The following FOXR1 variants were observed in gnomAD, a reference collection of about 807,000 sequenced individuals.
The protein encoded by FOXR1 is forkhead box protein R1.
Under a neutral mutation model 34.5 loss-of-function variants are expected in FOXR1, and 25 were observed. The ratio of observed to expected loss-of-function variants is 0.72; its 90% confidence interval spans 0.53 to 1.01. The LOEUF (loss-of-function observed/expected upper bound fraction) is 1.01. Ranked by LOEUF, FOXR1 falls within the 50% of genes least tolerant of loss-of-function variation. The pLI is 0.00. For missense variants in FOXR1, 373 were observed against 376.2 expected (o/e 0.99, Z 0.07); for synonymous variants, 153 against 141.6 (o/e 1.08, Z -0.57).
At chr11:118,972,508 C>G (rs1238159088) in intron 1 of FOXR1, among the ~76,000 whole-genome samples, 1 of 151,996 alleles carries the variant, frequency 6.6e-6, no homozygotes, top group Non-Finnish European at 1.5e-5. Flanking sequence ...CCATCGCGAT[C>G]TTTTAGGTTT....
Position 118,979,120 on chromosome 11 carries a change from C to T in FOXR1, c.300C>T (p.Ala100=), listed in dbSNP as rs77188008. 23 of 1,605,056 alleles carry T rather than the reference C, an allele frequency of 1.4e-5. No homozygotes were observed. The highest frequency in any genetic ancestry group is 2.2e-5 in the South Asian group (2 of 89,860). Residue 100 remains alanine, a synonymous_variant, in exon 3 of 6, where the codon GCC becomes GCT. Coordinates refer to ENST00000317011, the MANE Select transcript of FOXR1 (RefSeq NM_181721.3). ...QKEEDASCSE[A]AGVESLSQSS... is the part of the protein sequence containing the mutation. ...AGGAAGATGCCAGCTGCTCAGAGGC[C>T]GCAGGGGTGGAATCACTGTCCCAGT...
chr11:118,981,135 T>A (rs1306464531), intron 5 of FOXR1, 73 bp from the exon 6 acceptor site: 1 of 1,474,542 alleles, frequency 6.8e-7, no homozygotes, highest in Non-Finnish European at 9.5e-7. Context: ...TGACCTGCTA[T>A]GAGAGAGCAT....
At chr11:118,978,756 A>G in intron 1 of FOXR1, 26 bp from the exon 2 acceptor site, 1 of 1,612,424 alleles carries the variant, frequency 6.2e-7, no homozygotes, top group South Asian at 1.1e-5. Context: ...GGATGTTTTG[A>G]CTCTCTCTGT....
At chr11:118,979,380 C>T in intron 3 of FOXR1, 62 bp from the exon 4 acceptor site, 2 of 1,497,240 alleles carry the variant, frequency 1.3e-6, no homozygotes, top group Non-Finnish European at 8.9e-7. Flanking sequence ...CCCCTTCCTG[C>T]CACTGCACCC....
At chr11:118,972,108 T>G in intron 1 of FOXR1, 116 bp downstream of exon 1, 1 of 832,942 alleles carries the variant, frequency 1.2e-6, no homozygotes, top group East Asian at 5.3e-5. Context: ...CCGGGGAGGC[T>G]TGGGGGGCCG....
chr11:118,979,258 G>T, intron 3 of FOXR1, 54 bp downstream of exon 3: 2 of 1,504,368 alleles, frequency 1.3e-6, no homozygotes, highest in Non-Finnish European at 1.8e-6. Flanking sequence ...AGGGGCATGG[G>T]GAAGAGCCAT....
chr11:118,981,086 A>C, intron 5 of FOXR1, 122 bp from the exon 6 acceptor site: 1 of 943,386 alleles, frequency 1.1e-6, no homozygotes, highest in Non-Finnish European at 1.7e-6. Flanking sequence ...GAGGCTTCAG[A>C]GAAGAGGCAG....
Position 118,972,011 on chromosome 11 carries a change from G to T in FOXR1, c.61+19G>T. ...CAGAAACGTGAGTAGCGGGTGGGGT[G>T]AGGTGGGGGGCTGGGCGTGGCGGAG... On this transcript the variant is annotated intron_variant, in intron 1 of 5. Coordinates refer to ENST00000317011, the MANE Select transcript of FOXR1 (RefSeq NM_181721.3). 6.6e-7 allele frequency: 1 copy of T among 1,519,322 alleles called. No homozygotes were observed. 94.1% of individuals were successfully genotyped at this position (1,519,322 alleles called of 1,614,324 possible). A position where few individuals can be genotyped will look rare whatever the true frequency, so the allele number is the denominator to read the frequency against.
Position 118,971,955 on chromosome 11 carries a change from CT to C in FOXR1, c.26del (p.Phe9SerfsTer8). On this transcript the variant is annotated frameshift_variant, in exon 1 of 6. Coordinates refer to ENST00000317011, the MANE Select transcript of FOXR1 (RefSeq NM_181721.3). LOFTEE classifies it high-confidence loss of function. MGNELFLA[F>X]TTSHLPLAEQ... is the part of the protein sequence containing the mutation. ...ACATGGGGAACGAGCTCTTTCTGGC[CT>C]TCACCACATCTCACCTCCCCTTAGC... The C allele has an allele frequency of 6.4e-7, 1 of 1,554,300 alleles. No homozygotes were observed. The highest frequency in any genetic ancestry group is 8.7e-7 in the Non-Finnish European group (1 of 1,148,236).
In FOXR1 at chr11:118,979,130, G is replaced by A. The variant is rs1941816465; in HGVS notation, c.310G>A (p.Glu104Lys). ...CAGCTGCTCAGAGGCCGCAGGGGTG[G>A]AATCACTGTCCCAGTCCTCCAGCAA... ...DASCSEAAGV[E>K]SLSQSSSKRS... Residue 104 changes from glutamate to lysine, a missense_variant, in exon 3 of 6, where the codon GAA becomes AAA. Coordinates refer to ENST00000317011, the MANE Select transcript of FOXR1 (RefSeq NM_181721.3). The A allele has an allele frequency of 6.2e-7, 1 of 1,602,178 alleles. No individual in the cohort carries two copies. Among genetic ancestry groups the A allele is most frequent in the Non-Finnish European group, 8.5e-7 (1 of 1,174,646 alleles).
intron 1 of FOXR1, among the ~76,000 whole-genome samples, chr11:118,978,553 A>G (rs546871188): frequency 1.3e-5 from 2 of 152,316 alleles, no homozygotes; most frequent in South Asian, 2.1e-4. Context: ...AGCCACGGAC[A>G]TGCATGAGAT....
At chr11:118,977,920 C>CA (rs1234374586) in intron 1 of FOXR1, among the ~76,000 whole-genome samples, 3 of 151,940 alleles carry the variant, frequency 2.0e-5, no homozygotes, top group African/African-American at 7.3e-5. Flanking sequence ...CTCATCTATA[C>CA]AAAAAATACA....
intron 1 of FOXR1, 39 bp downstream of exon 1, chr11:118,972,031 G>C (rs1325110680): frequency 2.2e-6 from 3 of 1,387,224 alleles, no homozygotes; most frequent in Non-Finnish European, 1.9e-6. Flanking sequence ...GCTGGGCGTG[G>C]CGGAGGGTGG....
intron 1 of FOXR1, 134 bp downstream of exon 1, chr11:118,972,126 C>G: frequency 2.1e-6 from 1 of 468,198 alleles, no homozygotes. Flanking sequence ...CCGAGCGCCC[C>G]GCGCCCCCCC....
chr11:118,975,441 AG>A (rs1304535947), intron 1 of FOXR1, among the ~76,000 whole-genome samples: 1 of 150,286 alleles, frequency 6.7e-6, no homozygotes, highest in Non-Finnish European at 1.5e-5. Flanking sequence ...TTTTAGAGAC[AG>A]GGTCTCTATC....
intron 1 of FOXR1, among the ~76,000 whole-genome samples, chr11:118,977,443 CTTTA>C (rs1312445460): frequency 6.6e-6 from 1 of 151,978 alleles, no homozygotes; most frequent in African/African-American, 2.4e-5. Context: ...ATTTTAAGTT[CTTTA>C]TTTAAGAGCT....
At chr11:118,974,094 G>T (rs1434062142) in intron 1 of FOXR1, among the ~76,000 whole-genome samples, 1 of 152,182 alleles carries the variant, frequency 6.6e-6, no homozygotes. Flanking sequence ...GAGCCCAGAG[G>T]ATACTTGAAG....
At chr11:118,974,381 A>G (rs1009756408) in intron 1 of FOXR1, among the ~76,000 whole-genome samples, 5 of 152,062 alleles carry the variant, frequency 3.3e-5, no homozygotes, top group Non-Finnish European at 7.4e-5. Context: ...CTTTTTTACT[A>G]TTTGTAGAGA....
intron 1 of FOXR1, 141 bp downstream of exon 1, chr11:118,972,133 C>CA (rs1192992628): frequency 5.0e-5 from 29 of 574,952 alleles, no homozygotes; most frequent in Non-Finnish European, 7.4e-5. Context: ...CCCCGCGCCC[C>CA]CCCCCCCCGA....
Sources: gnomAD v4.1 joint callset for allele counts (sites outside exome capture counted in the v4.1 genomes callset) on GRCh38, gnomAD v4.1.1 for gene constraint, MANE v1.5 for transcripts, NCBI Gene and HGNC (gene_info 2026-07-23, HGNC 2026-07-21) for gene names.